The following POLQ variants were observed in gnomAD, a reference collection of about 807,000 sequenced individuals.
POLQ encodes epididymis secretory sperm binding protein.
In POLQ, 233 loss-of-function variants were observed where a neutral mutation model predicts 259.2. The ratio of observed to expected loss-of-function variants is 0.90; its 90% CI spans 0.81 to 1.00. The LOEUF (loss-of-function observed/expected upper bound fraction) is 1.00. Ranked by LOEUF, POLQ falls within the 50% of genes least tolerant of loss-of-function variation. The pLI is 0.00. For missense variants in POLQ, 2,871 were observed against 3,051.6 expected (o/e 0.94, Z 1.39); for synonymous variants, 1,025 against 1,048.8 (o/e 0.98, Z 0.44).
chr3:121,492,346 A>G (rs2108800115), intron 15 of POLQ, among the ~76,000 whole-genome samples: 1 of 152,336 alleles, frequency 6.6e-6, no homozygotes, highest in African/African-American at 2.4e-5. Flanking sequence ...TAGAAAAAAT[A>G]ATTAAGCTAT....
chr3:121,445,162 A>C (rs761685744), intron 26 of POLQ, among the ~76,000 whole-genome samples: 18 of 152,184 alleles, frequency 1.2e-4, no homozygotes, highest in Admixed American at 9.8e-4. Context: ...TCTATTTTCC[A>C]GAACAGTTTC....
At chr3:121,499,055 T>A (rs962731387) in intron 12 of POLQ, among the ~76,000 whole-genome samples, 2 of 152,136 alleles carry the variant, frequency 1.3e-5, no homozygotes, top group African/African-American at 4.8e-5. Context: ...CACTCCAGCC[T>A]GGGCAACAGA....
At chr3:121,466,082 A>T (rs1267163062) in intron 24 of POLQ, among the ~76,000 whole-genome samples, 9 of 152,312 alleles carry the variant, frequency 5.9e-5, no homozygotes, top group African/African-American at 1.4e-4. Context: ...CACACAAATG[A>T]TAAGAAGGCA....
At chr3:121,462,852 CA>C (rs1265480642) in intron 24 of POLQ, among the ~76,000 whole-genome samples, 3 of 152,154 alleles carry the variant, frequency 2.0e-5, no homozygotes, top group Admixed American at 2.0e-4. Flanking sequence ...TTAAAAGCCT[CA>C]AAATGACCAA....
At chr3:121,457,291 A>T (rs930070067) in intron 25 of POLQ, among the ~76,000 whole-genome samples, 5 of 152,152 alleles carry the variant, frequency 3.3e-5, no homozygotes, top group African/African-American at 9.7e-5. Flanking sequence ...CTAGAAGAAA[A>T]CCTAGGCAAT....
At chr3:121,525,709 G>A (rs2048368912) in intron 7 of POLQ, among the ~76,000 whole-genome samples, 1 of 152,150 alleles carries the variant, frequency 6.6e-6, no homozygotes, top group African/African-American at 2.4e-5. Context: ...TTAGAATCCT[G>A]CCAAATTGTC....
intron 26 of POLQ, among the ~76,000 whole-genome samples, chr3:121,444,401 C>T (rs921446739): frequency 1.3e-5 from 2 of 152,026 alleles, no homozygotes; most frequent in African/African-American, 4.8e-5. Flanking sequence ...TTGTTTGCTC[C>T]TGGCATATAG....
At chr3:121,483,654 A>C (rs1229603660) in intron 17 of POLQ, 72 bp from the exon 18 acceptor site, 11 of 1,170,682 alleles carry the variant, frequency 9.4e-6, no homozygotes, top group African/African-American at 1.6e-5. Context: ...TGAAGCAGCA[A>C]TCTTTAGTAG....
Position 121,487,911 on chromosome 3 carries a change from CTG to C in POLQ, c.5018_5019del (p.Thr1673ArgfsTer4), listed in dbSNP as rs760813670. 4 of 1,606,136 alleles carry C rather than the reference CTG, an allele frequency of 2.5e-6. No individual in the cohort carries two copies. The highest frequency in any genetic ancestry group is 2.7e-5 in the African/African-American group (2 of 74,414). On this transcript the variant is annotated frameshift_variant, in exon 16 of 30. Transcript: ENST00000264233. LOFTEE classifies it high-confidence loss of function. ...INFSSLNRKNTELNEEQEVIS... is the reference protein window; with the variant it reads ...INFSSLNRKNXELNEEQEVIS... ...ATAACTTCTTGTTCTTCATTTAACT[CTG>C]TATTTTTTCTATTCAAACTGGAAAA...
intron 25 of POLQ, among the ~76,000 whole-genome samples, chr3:121,451,526 G>T (rs933428371): frequency 1.8e-4 from 27 of 152,240 alleles, no homozygotes; most frequent in Non-Finnish European, 3.4e-4. Context: ...CTCAGGTGCA[G>T]GTCTGTTGGA....
intron 9 of POLQ, among the ~76,000 whole-genome samples, chr3:121,513,247 A>T (rs1170234843): frequency 6.6e-6 from 1 of 152,150 alleles, no homozygotes; most frequent in Non-Finnish European, 1.5e-5. Flanking sequence ...AAGTGAAGGG[A>T]TTATAAACTT....
intron 25 of POLQ, among the ~76,000 whole-genome samples, chr3:121,450,271 AT>A (rs2047663649): frequency 6.6e-6 from 1 of 152,152 alleles, no homozygotes; most frequent in African/African-American, 2.4e-5. Flanking sequence ...AACTTGCATG[AT>A]TATCAGAATT....
Position 121,494,492 on chromosome 3 carries a change from C to T in POLQ, c.2279-771G>A, listed in dbSNP as rs150561085. 3.4e-5 allele frequency: 51 copies of T among 1,491,800 alleles called. 1 individual carries two copies. The African/African-American group carries it at 5.4e-4, about 16-fold the overall frequency. The allele number at this position is 1,491,800 out of a possible 1,614,324, so 92.4% of individuals were successfully genotyped here. A position where few individuals can be genotyped will look rare whatever the true frequency, so the allele number is the denominator to read the frequency against. Reference sequence around the variant, plus strand: ...GAAAGCTGCTGGCAGAGGGGACGTCCCCACCAAGAGACCACCTGTCCTTCG... The same window carrying T: ...GAAAGCTGCTGGCAGAGGGGACGTCTCCACCAAGAGACCACCTGTCCTTCG... On this transcript the variant is annotated intron_variant, in intron 14 of 29. Transcript: ENST00000264233.
intron 26 of POLQ, among the ~76,000 whole-genome samples, chr3:121,448,483 CA>C (rs2047647949): frequency 6.6e-6 from 1 of 152,054 alleles, no homozygotes. Flanking sequence ...TCTCCTGCCT[CA>C]GCCTCCGAGT....
Position 121,489,362 on chromosome 3 carries a change from T to C in POLQ, c.3569A>G (p.His1190Arg). The C allele has an allele frequency of 1.2e-6, 2 of 1,613,296 alleles. No homozygotes were observed. The highest frequency in any genetic ancestry group is 2.2e-5 in the South Asian group (2 of 90,776). ...CTTTCGCAGGTACTGGTTAATTGGA[T>C]GGATGTCATGGTGTTTCATATAAAC... is the stretch of plus-strand genomic sequence containing the variant. ...QNVYMKHHDI[H>R]PINQYLRKQS... Residue 1190 changes from histidine to arginine, a missense_variant, in exon 16 of 30, where the codon CAT becomes CGT. By Grantham distance (29) the His-to-Arg change is conservative (BLOSUM62 0). This residue lies in a region of POLQ where 2,080 missense variants were observed against 2,126.0 expected (regional missense o/e 0.98). Transcript: ENST00000264233.
chr3:121,545,689 C>G (rs778678449), intron 1 of POLQ, 26 bp downstream of exon 1: 1 of 1,528,840 alleles, frequency 6.5e-7, no homozygotes, highest in Non-Finnish European at 8.8e-7. Context: ...CCCCGTTGCC[C>G]GCGGCCTCCC....
chr3:121,496,731 AT>A (rs2048127232), intron 14 of POLQ, 76 bp downstream of exon 14: 15 of 1,445,174 alleles, frequency 1.0e-5, no homozygotes, highest in Non-Finnish European at 1.1e-5. Flanking sequence ...ATAAAATGGA[AT>A]TTGAAAAAAA....
At position 121,541,248 on chromosome 3, in the gene POLQ, CTT is replaced by C. The variant is rs919366893; in HGVS notation, c.474+99_474+100del. On this transcript the variant is annotated intron_variant, in intron 3 of 29. Transcript: ENST00000264233. ...AGCTACATAGGGCACAATGAAGAAA[CTT>C]TGTTTTCCACTTGCTTTTATAATTC... 4.6e-6 allele frequency: 5 copies of C among 1,094,326 alleles called. No homozygotes were observed. The Admixed American group carries it at 7.4e-5, about 16-fold the overall frequency. The allele number at this position is 1,094,326 out of a possible 1,614,324, so 67.8% of individuals were successfully genotyped here.
chr3:121,439,536 T>C (rs955030826), intron 27 of POLQ, among the ~76,000 whole-genome samples: 6 of 152,326 alleles, frequency 3.9e-5, no homozygotes, highest in East Asian at 1.9e-4. Flanking sequence ...CCTGGCCAGA[T>C]AGTGCTTTTA....
Sources: allele counts gnomAD v4.1 joint callset (sites outside exome capture counted in the v4.1 genomes callset), GRCh38; gene constraint gnomAD v4.1.1; regional missense constraint gnomAD v4.1.1; transcripts MANE v1.5; gene names NCBI Gene and HGNC (gene_info 2026-07-23, HGNC 2026-07-21).